PDE8B: variants seen among roughly 807,000 people sequenced by gnomAD.
PDE8B encodes the protein high affinity cAMP-specific and IBMX-insensitive 3',5'-cyclic phosphodiesterase 8B.
In PDE8B, 26 loss-of-function variants were observed where a neutral mutation model predicts 101.3. That is an observed-to-expected ratio of 0.26 (90% CI 0.19 to 0.36). The LOEUF (loss-of-function observed/expected upper bound fraction) is 0.36. PDE8B is among the 10% of genes least tolerant of loss of function. The pLI is 1.00. For missense variants in PDE8B, 810 were observed against 1,163.1 expected (o/e 0.70, Z 4.42); for synonymous variants, 424 against 429.3 (o/e 0.99, Z 0.15).
the PDE8B span, among the ~76,000 whole-genome samples, chr5:77,091,248 C>T: frequency 6.6e-6 from 1 of 152,162 alleles, no homozygotes; most frequent in Admixed American, 6.5e-5. Context: ...ATAACCCTGA[C>T]GATCATTACA....
Position 77,312,015 on chromosome 5 carries a change from C to A in PDE8B, c.361C>A (p.Arg121Ser). The A allele has an allele frequency of 6.2e-7, 1 of 1,613,380 alleles. No homozygotes were observed. The highest frequency in any genetic ancestry group is 8.5e-7 in the Non-Finnish European group (1 of 1,179,478). Residue 121 changes from arginine to serine, a missense_variant, in exon 2 of 22, where the codon CGC (arginine) becomes AGC (serine). Arg to Ser is a moderately radical substitution (Grantham distance 110). This residue lies in a region of PDE8B where 251 missense variants were observed against 378.8 expected (regional missense o/e 0.66). Transcript: ENST00000264917. ...TTAGCAGGTGTCTTCTGCGGAGGTG[C>A]GCATCGGGCCCATGAGACTGACGCA... Reference protein sequence around the residue: ...SVKQVSSAEVRIGPMRLTQDP... With the variant: ...SVKQVSSAEVSIGPMRLTQDP...
rs569655194 is a variant in PDE8B, at chr5:77,390,192, A to G, written c.1168-10056A>G. On this transcript the variant is annotated intron_variant, in intron 10 of 21. Coordinates refer to ENST00000264917, the MANE Select transcript of PDE8B (RefSeq NM_003719.5). ...CCTGAAATCATGCACACATACACAC[A>G]AATACCTAACTCAGAATTAATAGTG... 1.3e-4 allele frequency among the ~76,000 whole-genome samples: 20 copies of G among 152,352 alleles called. No individual in the cohort carries two copies. In the East Asian group the frequency reaches 3.9e-3, roughly 29 times the overall value.
At chr5:77,323,852 G>T (rs1174985275) in intron 2 of PDE8B, among the ~76,000 whole-genome samples, 2 of 152,040 alleles carry the variant, frequency 1.3e-5, no homozygotes, top group African/African-American at 2.4e-5. Flanking sequence ...CCAGCTACTC[G>T]GGAGGCTGAG....
At chr5:77,222,093 G>A (rs1169343450) in intron 1 of PDE8B, among the ~76,000 whole-genome samples, 1 of 152,174 alleles carries the variant, frequency 6.6e-6, no homozygotes, top group African/African-American at 2.4e-5. Flanking sequence ...GGGTAACCTG[G>A]TGTGAAGGAA....
chr5:77,333,810 G>T (rs1163288873), intron 5 of PDE8B, among the ~76,000 whole-genome samples: 1 of 152,222 alleles, frequency 6.6e-6, no homozygotes, highest in East Asian at 1.9e-4. Flanking sequence ...ATGGGGCTCT[G>T]GAAGGCTTCA....
chr5:77,087,391 G>A, the PDE8B span: 1 of 152,286 alleles, frequency 6.6e-6, no homozygotes, highest in African/African-American at 2.4e-5. Context: ...AGCTGAGTGT[G>A]GTTGAAATGT....
chr5:77,236,869 A>C (rs1754803618), intron 1 of PDE8B, among the ~76,000 whole-genome samples: 1 of 152,174 alleles, frequency 6.6e-6, no homozygotes, highest in Non-Finnish European at 1.5e-5. Flanking sequence ...AGTTCTATTA[A>C]TTACTGAAAG....
intron 6 of PDE8B, among the ~76,000 whole-genome samples, chr5:77,337,591 T>C (rs559972687): frequency 6.6e-6 from 1 of 152,226 alleles, no homozygotes; most frequent in Non-Finnish European, 1.5e-5. Flanking sequence ...TTTGCACAAT[T>C]AGATCGAGAT....
chr5:77,258,150 A>G (rs1759579550), intron 1 of PDE8B, among the ~76,000 whole-genome samples: 2 of 151,926 alleles, frequency 1.3e-5, no homozygotes, highest in African/African-American at 2.4e-5. Context: ...TTAGCTGGGC[A>G]TGGTGGCAGG....
At chr5:77,259,066 A>ACCCCCCC (rs1234322626) in intron 1 of PDE8B, among the ~76,000 whole-genome samples, 12 of 64,718 alleles carry the variant, frequency 1.9e-4, no homozygotes, top group Admixed American at 3.6e-4. Flanking sequence ...ACACACACAC[A>ACCCCCCC]CACCCCCGCC....
the PDE8B span, among the ~76,000 whole-genome samples, chr5:77,165,931 G>A: frequency 2.1e-5 from 3 of 142,280 alleles, no homozygotes; most frequent in African/African-American, 7.9e-5. Flanking sequence ...ACGAACCCAG[G>A]AAGCAGAGGT....
chr5:77,385,947 C>T (rs1005922009), intron 10 of PDE8B, among the ~76,000 whole-genome samples: 4 of 152,040 alleles, frequency 2.6e-5, no homozygotes, highest in African/African-American at 9.7e-5. Context: ...CATCACCATG[C>T]CTGGTCAATT....
intron 10 of PDE8B, among the ~76,000 whole-genome samples, chr5:77,386,058 A>G (rs988873796): frequency 6.6e-6 from 1 of 152,170 alleles, no homozygotes; most frequent in African/African-American, 2.4e-5. Flanking sequence ...AAGGGCTGGG[A>G]TTACAGGCAT....
chr5:77,103,513 G>C, the PDE8B span, among the ~76,000 whole-genome samples: 308 of 152,316 alleles, frequency 2.0e-3, no homozygotes, highest in Admixed American at 3.2e-3. Flanking sequence ...TCTCTTAAAA[G>C]TACTTCTGTA....
In PDE8B at chr5:77,290,380, T is replaced by C. The variant is rs921881430; in HGVS notation, c.340-21614T>C. On this transcript the variant is annotated intron_variant, in intron 1 of 21. Coordinates refer to ENST00000264917, the MANE Select transcript of PDE8B (RefSeq NM_003719.5). ...AGCTGGGGAGGCCGGGGAGAGGTTATTATGACCTGTTGCTCTGCTAACAAC... is the reference window on the plus strand; with the variant it reads ...AGCTGGGGAGGCCGGGGAGAGGTTACTATGACCTGTTGCTCTGCTAACAAC... 35 of 1,389,612 alleles carry C rather than the reference T, an allele frequency of 2.5e-5. No individual in the cohort carries two copies. The African/African-American group carries it at 4.0e-4, about 16-fold the overall frequency. 86.1% of individuals were successfully genotyped at this position (1,389,612 alleles called of 1,614,324 possible).
intron 13 of PDE8B, among the ~76,000 whole-genome samples, chr5:77,408,267 GT>G (rs1366736146): frequency 7.2e-5 from 11 of 152,198 alleles, no homozygotes; most frequent in African/African-American, 1.9e-4. Context: ...GCCCTCCCAG[GT>G]TTTTGGTGTG....
Position 77,211,283 on chromosome 5 carries a change from C to G in PDE8B, c.339+19C>G. 1 of 1,538,866 alleles carries G rather than the reference C, an allele frequency of 6.5e-7. No individual in the cohort carries two copies. Among genetic ancestry groups the G allele is most frequent in the Non-Finnish European group, 8.7e-7 (1 of 1,150,058 alleles). On this transcript the variant is annotated intron_variant, in intron 1 of 21. Transcript: ENST00000264917. This position sits in a 1 kb window ranked among gnomAD's most constrained non-coding sequence, Gnocchi z 4.1. ...CGTGAAGGTAAATGCCCCGCGCTGG[C>G]ACACGCCGTGGGGGCCGTCCGCCCC... is the stretch of plus-strand genomic sequence containing the variant.
At chr5:77,244,422 G>A (rs1756446713) in intron 1 of PDE8B, among the ~76,000 whole-genome samples, 1 of 152,142 alleles carries the variant, frequency 6.6e-6, no homozygotes, top group Non-Finnish European at 1.5e-5. Flanking sequence ...GAAGGAAAGA[G>A]AAATGATCTG....
intron 16 of PDE8B, among the ~76,000 whole-genome samples, 162 bp downstream of exon 16, chr5:77,412,397 G>A (rs1432264000): frequency 2.6e-5 from 4 of 152,152 alleles, no homozygotes; most frequent in Admixed American, 6.5e-5. Context: ...AGAGACTATG[G>A]CCCCTGAGTG....
Sources: gnomAD v4.1 joint callset for allele counts (sites outside exome capture counted in the v4.1 genomes callset) on GRCh38, gnomAD v4.1.1 for gene constraint, gnomAD v4.1.1 regional missense constraint, Gnocchi (gnomAD v3.1) non-coding constraint, MANE v1.5 for transcripts, NCBI Gene and HGNC (gene_info 2026-07-23, HGNC 2026-07-21) for gene names.